DDI2: variants seen among roughly 807,000 people sequenced by gnomAD.
The protein encoded by DDI2 is protein DDI1 homolog 2.
In DDI2, 5 loss-of-function variants were observed where a neutral mutation model predicts 48.1. That is an observed-to-expected ratio of 0.10 (90% CI 0.05 to 0.22). The LOEUF (loss-of-function observed/expected upper bound fraction) is 0.22, where lower values mean the gene tolerates loss of function less well. Ranked by LOEUF, DDI2 falls within the 10% of genes least tolerant of loss-of-function variation. The pLI is 1.00. For missense variants in DDI2, 285 were observed against 506.2 expected (o/e 0.56, Z 4.19); for synonymous variants, 205 against 183.6 (o/e 1.12, Z -0.94).
Position 15,661,620 on chromosome 1 carries a change from C to T in DDI2, c.*1830C>T. The T allele has an allele frequency of 6.2e-7, 1 of 1,614,118 alleles. No homozygotes were observed. The highest frequency in any genetic ancestry group is 8.5e-7 in the Non-Finnish European group (1 of 1,180,038). ...ATATTGACCGCATTCTCCGTGCTGG[C>T]TTTACTTTGCAGGAAGCTCTTGGAG... On this transcript the variant is annotated 3_prime_UTR_variant, in exon 10 of 10. Transcript: ENST00000480945.
rs772990709 is a variant in DDI2, at chr1:15,652,058, C to CTTTTTTTTTTTTTT, written c.1183+174_1183+187dup. The stretch of plus-strand genomic sequence containing the variant: ...TTCTTAACCTCCTTCTTTGATCTTC[C>CTTTTTTTTTTTTTT]TTTTTTTTTTTTTTTTTTTTTTTTG... On this transcript the variant is annotated intron_variant, in intron 8 of 9. Transcript: ENST00000480945. Among the ~76,000 whole-genome samples, 29 of 75,978 alleles carry CTTTTTTTTTTTTTT rather than the reference C, an allele frequency of 3.8e-4. 1 individual carries two copies. The highest frequency in any genetic ancestry group is 1.6e-3 in the African/African-American group (25 of 15,222). 49.8% of individuals were successfully genotyped at this position (75,978 alleles called of 152,430 possible).
Position 15,661,487 on chromosome 1 carries a change from A to T in DDI2, c.*1697A>T. 1 of 1,613,994 alleles carries T rather than the reference A, an allele frequency of 6.2e-7. No individual in the cohort carries two copies. The highest frequency in any genetic ancestry group is 1.1e-5 in the South Asian group (1 of 91,024). ...GTAACAGACAGGCCTGAAACCAGAG[A>T]AAATGTCTGTCCTGATGCTTCGAGG... On this transcript the variant is annotated 3_prime_UTR_variant, in exon 10 of 10. Transcript: ENST00000480945.
intron 3 of DDI2, 149 bp downstream of exon 3, chr1:15,630,710 G>T (rs1639829489): frequency 4.7e-6 from 3 of 638,604 alleles, no homozygotes; most frequent in African/African-American, 1.8e-5. Context: ...TAGTGCTAAA[G>T]TCAAAGGCTG....
chr1:15,651,216 C>T (rs1358579275), intron 7 of DDI2, among the ~76,000 whole-genome samples: 1 of 152,128 alleles, frequency 6.6e-6, no homozygotes, highest in South Asian at 2.1e-4. Context: ...CTTGTCACTG[C>T]CTTTCCTTAT....
At chr1:15,653,268 ATTTAT>A (rs1031307657) in intron 8 of DDI2, among the ~76,000 whole-genome samples, 1 of 141,340 alleles carries the variant, frequency 7.1e-6, no homozygotes, top group African/African-American at 2.6e-5. Context: ...ATTTTATTTT[ATTTAT>A]TTTATTTTAT....
intron 1 of DDI2, among the ~76,000 whole-genome samples, chr1:15,625,283 G>A (rs145961007): frequency 1.3e-5 from 2 of 152,248 alleles, no homozygotes; most frequent in African/African-American, 4.8e-5. Context: ...CATGCCCCTC[G>A]CAGGGAGTTA....
At chr1:15,647,019 CAAAG>C (rs934257543) in intron 6 of DDI2, among the ~76,000 whole-genome samples, 1 of 151,928 alleles carries the variant, frequency 6.6e-6, no homozygotes, top group African/African-American at 2.4e-5. Flanking sequence ...ATATTCTGCT[CAAAG>C]AAAAAGTGAA....
rs1639878664 is a variant in DDI2 at position 15,633,450 on chromosome 1, A to G, written c.517A>G (p.Arg173Gly). 6.2e-7 allele frequency: 1 copy of G among 1,611,920 alleles called. No homozygotes were observed. The highest frequency in any genetic ancestry group is 8.5e-7 in the Non-Finnish European group (1 of 1,179,242). The change falls in exon 4 of 10, where the codon AGA becomes GGA. Residue 173 changes from arginine to glycine, a missense_variant. By Grantham distance (125) the Arg-to-Gly change is moderately radical. Transcript: ENST00000480945. ...LLSGDLEKFS[R>G]VLVEQQQDRA... is the part of the protein sequence containing the mutation. ...CCTTATTTTTGTAGAGAAATTTTCTAGAGTCCTGGTGGAGCAGCAGCAGGA... is the reference window on the plus strand; with the variant it reads ...CCTTATTTTTGTAGAGAAATTTTCTGGAGTCCTGGTGGAGCAGCAGCAGGA...
rs183023053 is a variant in DDI2, at chr1:15,662,148, A to G, written c.*2358A>G. 6.4e-6 allele frequency: 1 copy of G among 156,464 alleles called. No homozygotes were observed. The highest frequency in any genetic ancestry group is 1.4e-5 in the Non-Finnish European group (1 of 70,702). 9.7% of individuals were successfully genotyped at this position (156,464 alleles called of 1,614,324 possible). A position where few individuals can be genotyped will look rare whatever the true frequency, so the allele number is the denominator to read the frequency against. ...ACACTGTGACTGTGTGTCTGTGCTGATGGCAAGGTATGGTTTGCTGGCTCA... is the reference window on the plus strand; with the variant it reads ...ACACTGTGACTGTGTGTCTGTGCTGGTGGCAAGGTATGGTTTGCTGGCTCA... On this transcript the variant is annotated 3_prime_UTR_variant, in exon 10 of 10. Transcript: ENST00000480945.
At chr1:15,643,040 C>T (rs1193095139) in intron 5 of DDI2, among the ~76,000 whole-genome samples, 1 of 152,076 alleles carries the variant, frequency 6.6e-6, no homozygotes, top group Non-Finnish European at 1.5e-5. Flanking sequence ...GCACTTCAGC[C>T]TGGGCGACAG....
At chr1:15,654,707 A>G (rs960639837) in intron 8 of DDI2, among the ~76,000 whole-genome samples, 1 of 151,776 alleles carries the variant, frequency 6.6e-6, no homozygotes, top group African/African-American at 2.4e-5. Context: ...TTTTGGCTCA[A>G]GTTTTTATAT....
At chr1:15,618,196 T>C (rs1248993636) in intron 1 of DDI2, among the ~76,000 whole-genome samples, 1 of 151,386 alleles carries the variant, frequency 6.6e-6, no homozygotes, top group Admixed American at 6.6e-5. Flanking sequence ...GATTCATACA[T>C]CCTGCAAACC....
intron 4 of DDI2, chr1:15,634,028 C>T (rs1639888199): frequency 3.6e-6 from 1 of 279,472 alleles, no homozygotes; most frequent in South Asian, 3.3e-5. Context: ...AGTCCTAAGT[C>T]TGTTTTCCTG....
At chr1:15,649,037 C>T (rs1640134539) in intron 6 of DDI2, among the ~76,000 whole-genome samples, 1 of 151,710 alleles carries the variant, frequency 6.6e-6, no homozygotes, top group Non-Finnish European at 1.5e-5. Context: ...AGTTCAAGAC[C>T]AGCCTGGTCA....
chr1:15,660,643 GTTAC>G lies in DDI2; in HGVS notation c.*856_*859del. 1.9e-6 allele frequency: 3 copies of G among 1,614,206 alleles called. No individual in the cohort carries two copies. Among genetic ancestry groups the G allele is most frequent in the Non-Finnish European group, 2.5e-6 (3 of 1,180,048 alleles). ...AATCGATACAGCTCAACAGTCCCTA[GTTAC>G]TTTGCTTAATTCAACAGGCAGGCAG... On this transcript the variant is annotated 3_prime_UTR_variant, in exon 10 of 10. Coordinates refer to ENST00000480945, the MANE Select transcript of DDI2 (RefSeq NM_032341.5).
chr1:15,642,740 G>T (rs1168007514), intron 5 of DDI2, among the ~76,000 whole-genome samples: 1 of 152,124 alleles, frequency 6.6e-6, no homozygotes, highest in African/African-American at 2.4e-5. Flanking sequence ...CCTGGCCAAC[G>T]TGGTAAAACC....
In DDI2 at chr1:15,664,797, T is replaced by C. The variant is rs1293336249; in HGVS notation, c.*5007T>C. 2 of 152,218 alleles carry C rather than the reference T, an allele frequency of 1.3e-5. No homozygotes were observed. Among genetic ancestry groups the C allele is most frequent in the African/African-American group, 4.8e-5 (2 of 41,458 alleles). 9.4% of individuals were successfully genotyped at this position (152,218 alleles called of 1,614,324 possible). A position where few individuals can be genotyped will look rare whatever the true frequency, so the allele number is the denominator to read the frequency against. Reference sequence around the variant, plus strand: ...TGTAATTTGTGCCATTTCCCTGAAGTTGGTTCTTGAGCGGAAAGATGTGCT... The same window carrying C: ...TGTAATTTGTGCCATTTCCCTGAAGCTGGTTCTTGAGCGGAAAGATGTGCT... On this transcript the variant is annotated 3_prime_UTR_variant, in exon 10 of 10. Coordinates refer to ENST00000480945, the MANE Select transcript of DDI2 (RefSeq NM_032341.5).
chr1:15,660,628 G>C lies in DDI2; in HGVS notation c.*838G>C, dbSNP rs551392380. ...AGAAACATTTATGGAAATCGATACA[G>C]CTCAACAGTCCCTAGTTACTTTGCT... On this transcript the variant is annotated 3_prime_UTR_variant, in exon 10 of 10. Coordinates refer to ENST00000480945, the MANE Select transcript of DDI2 (RefSeq NM_032341.5). The C allele has an allele frequency of 8.1e-6, 13 of 1,614,172 alleles. No individual in the cohort carries two copies. In the African/African-American group the frequency reaches 1.3e-4, roughly 17 times the overall value.
intron 8 of DDI2, among the ~76,000 whole-genome samples, chr1:15,655,917 C>CT (rs1275405357): frequency 6.6e-6 from 1 of 151,846 alleles, no homozygotes; most frequent in African/African-American, 2.4e-5. Context: ...CAGTGAGACA[C>CT]TGTCTCAAAA....
Sources: allele counts gnomAD v4.1 joint callset (sites outside exome capture counted in the v4.1 genomes callset), GRCh38; gene constraint gnomAD v4.1.1; transcripts MANE v1.5; gene names NCBI Gene and HGNC (gene_info 2026-07-23, HGNC 2026-07-21).